Variants in MTERF4 observed in about 807,000 individuals in gnomAD.
The protein encoded by MTERF4 is transcription termination factor 4, mitochondrial.
Under a neutral mutation model 22.5 loss-of-function variants are expected in MTERF4, and 17 were observed. The ratio of observed to expected loss-of-function variants is 0.75; its 90% CI spans 0.52 to 1.13. MTERF4 has a LOEUF of 1.13. MTERF4 is among the 50% of genes most tolerant of loss of function. The pLI is 0.00. For missense variants in MTERF4, 420 were observed against 466.8 expected, an observed-to-expected ratio of 0.90 and a Z score of 0.92; for synonymous variants, 165 against 175.3, an observed-to-expected ratio of 0.94 and a Z score of 0.47.
intron 1 of MTERF4, chr2:241,101,267 T>C (rs1235658266): frequency 4.5e-6 from 2 of 443,348 alleles, no homozygotes; most frequent in East Asian, 1.5e-4. Flanking sequence ...CATCAGATTC[T>C]CATAAGGAGC....
the MTERF4 span, among the ~76,000 whole-genome samples, chr2:241,059,896 C>G: frequency 1.3e-5 from 2 of 151,840 alleles, no homozygotes; most frequent in Admixed American, 6.6e-5. Context: ...TCCTGGAGGC[C>G]CTAGACAGTG....
At chr2:241,062,031 G>A in the MTERF4 span, among the ~76,000 whole-genome samples, 1 of 152,104 alleles carries the variant, frequency 6.6e-6, no homozygotes, top group East Asian at 1.9e-4. Flanking sequence ...TTCATATAAT[G>A]CTGAGAGAAG....
In MTERF4 at chr2:241,097,230, C is replaced by G. The variant is rs199859276; in HGVS notation, c.705+13G>C. 1 of 1,613,098 alleles carries G rather than the reference C, an allele frequency of 6.2e-7. No individual in the cohort carries two copies. Among genetic ancestry groups the G allele is most frequent in the East Asian group, 2.2e-5 (1 of 44,882 alleles). On this transcript the variant is annotated intron_variant, in intron 3 of 3. Transcript: ENST00000391980. Reference sequence around the variant, plus strand: ...CCTGAAACTACGCTAATCACGCTATCAGTCATTCTCACCTGAAACTTGTAT... The same window carrying G: ...CCTGAAACTACGCTAATCACGCTATGAGTCATTCTCACCTGAAACTTGTAT...
the MTERF4 span, chr2:241,048,224 G>A: frequency 7.0e-7 from 1 of 1,420,704 alleles, no homozygotes; most frequent in Non-Finnish European, 9.3e-7. Context: ...CAACAGAGGT[G>A]AAAACCCAAA....
At chr2:241,063,897 C>A in the MTERF4 span, 1 of 852,380 alleles carries the variant, frequency 1.2e-6, no homozygotes. Flanking sequence ...GCCCACTGCC[C>A]CTCTCTCCTG....
chr2:241,069,870 G>A (rs771175939), downstream of MTERF4: 4 of 1,582,918 alleles, frequency 2.5e-6, no homozygotes, highest in Admixed American at 6.9e-5. The surrounding 1 kb of genome is among the most constrained non-coding windows in gnomAD (Gnocchi z 4.9). Context: ...GTTCTTGCCA[G>A]AAGACCCTGT....
downstream of MTERF4, chr2:241,088,537 G>T: frequency 2.7e-6 from 2 of 734,206 alleles, no homozygotes; most frequent in African/African-American, 1.7e-5. Context: ...CTGTGCTGCT[G>T]TGTTACAGAC....
At chr2:241,054,776 T>C in the MTERF4 span, among the ~76,000 whole-genome samples, 2 of 152,186 alleles carry the variant, frequency 1.3e-5, no homozygotes, top group Non-Finnish European at 2.9e-5. Flanking sequence ...AAGATCAGCT[T>C]GAAGAACTCT....
intron 2 of MTERF4, 37 bp from the exon 3 acceptor site, chr2:241,097,464 A>G (rs1214311978): frequency 6.3e-7 from 1 of 1,582,192 alleles, no homozygotes. Flanking sequence ...ATATAATTTC[A>G]GGATACTCCA....
downstream of MTERF4, chr2:241,088,256 T>C: frequency 1.3e-6 from 1 of 792,336 alleles, no homozygotes. Context: ...CCGTGGAATG[T>C]ATGTGAGCTA....
At chr2:241,085,306 T>C (rs1000931138), downstream of MTERF4, among the ~76,000 whole-genome samples, 1 of 152,216 alleles carries the variant, frequency 6.6e-6, no homozygotes, top group African/African-American at 2.4e-5. Context: ...AGTCTTTTCA[T>C]TTTGGACAGA....
chr2:241,077,029 A>C (rs2063057979), intron 4 of MTERF4, among the ~76,000 whole-genome samples: 1 of 151,338 alleles, frequency 6.6e-6, no homozygotes, highest in Non-Finnish European at 1.5e-5. Context: ...CAGTGAGCTG[A>C]GATTGCGCCA....
At chr2:241,048,312 C>A in the MTERF4 span, 1 of 1,595,090 alleles carries the variant, frequency 6.3e-7, no homozygotes, top group Admixed American at 1.8e-5. Flanking sequence ...GTCTTTCTTG[C>A]AGGAGACCAT....
the MTERF4 span, among the ~76,000 whole-genome samples, chr2:241,044,176 G>T: frequency 1.2e-3 from 183 of 152,334 alleles, 1 homozygote; most frequent in African/African-American, 4.3e-3. Flanking sequence ...AAAGCCGATA[G>T]CAAGATGATA....
chr2:241,048,400 C>T, the MTERF4 span: 1 of 1,611,338 alleles, frequency 6.2e-7, no homozygotes, highest in Non-Finnish European at 8.5e-7. Flanking sequence ...GCTACGTGTG[C>T]GAGTGCCCCG....
At chr2:241,074,205 T>C (rs1453408854) in exon 5 of MTERF4, 1 of 152,166 alleles carries the variant, frequency 6.6e-6, no homozygotes, top group African/African-American at 2.4e-5. Flanking sequence ...CCCCAGCTTC[T>C]CAAGGACATG....
downstream of MTERF4, chr2:241,089,400 C>A: frequency 6.4e-7 from 1 of 1,550,456 alleles, no homozygotes. Flanking sequence ...ATTCAGGAAC[C>A]TTTAAAAACA....
At chr2:241,052,477 G>A in the MTERF4 span, 2 of 1,594,154 alleles carry the variant, frequency 1.3e-6, no homozygotes, top group Non-Finnish European at 1.7e-6. Flanking sequence ...AGGTGAGAGG[G>A]TCAGGGGGAT....
downstream of MTERF4, among the ~76,000 whole-genome samples, chr2:241,083,582 G>A (rs899654382): frequency 2.0e-5 from 3 of 152,178 alleles, no homozygotes; most frequent in Admixed American, 6.5e-5. Context: ...TTGGGAAGCC[G>A]TGTTGACAGC....
Sources: gnomAD v4.1 joint callset for allele counts (sites outside exome capture counted in the v4.1 genomes callset) on GRCh38, gnomAD v4.1.1 for gene constraint, Gnocchi (gnomAD v3.1) non-coding constraint, MANE v1.5 for transcripts, NCBI Gene and HGNC (gene_info 2026-07-23, HGNC 2026-07-21) for gene names.